The following MAPK8 variants were observed in gnomAD, a reference collection of about 807,000 sequenced individuals.
MAPK8 encodes mitogen-activated protein kinase 8.
In MAPK8, 13 loss-of-function variants were observed where a neutral mutation model predicts 52.9. The observed-to-expected ratio is 0.25, with a 90% confidence interval of 0.16 to 0.39. MAPK8 has a LOEUF of 0.39. Ranked by LOEUF, MAPK8 falls within the 10% of genes least tolerant of loss-of-function variation. The probability of loss-of-function intolerance (pLI) is 1.00; values close to 1 mark genes in which losing one functional copy is unlikely to be tolerated. For missense variants in MAPK8, 300 were observed against 519.2 expected (o/e 0.58, Z 4.10); for synonymous variants, 191 against 169.8 (o/e 1.12, Z -0.97).
Position 48,336,461 on chromosome 10 carries a change from CTTT to C in MAPK8, c.-50+29643_-50+29645del, listed in dbSNP as rs1272279079. Among the ~76,000 whole-genome samples the C allele has an allele frequency of 3.9e-5, 6 of 152,222 alleles. No individual in the cohort carries two copies. The South Asian group carries it at 1.2e-3, about 32-fold the overall frequency. ...ACTTCTAAAAGCAGCAATTCTCAAA[CTTT>C]TTAAGAGTTTTGGAATGTCTGTGTT... On this transcript the variant is annotated intron_variant, in intron 1 of 11. Transcript: ENST00000374189.
At chr10:48,427,196 A>G (rs1213589792) in intron 10 of MAPK8, 53 bp downstream of exon 10, 20 of 1,332,590 alleles carry the variant, frequency 1.5e-5, no homozygotes, top group Non-Finnish European at 2.1e-5. Context: ...TCTGGTTTTT[A>G]TATGGTGATT....
intron 1 of MAPK8, among the ~76,000 whole-genome samples, chr10:48,346,651 G>A (rs931040885): frequency 1.2e-4 from 19 of 152,274 alleles, no homozygotes; most frequent in African/African-American, 3.1e-4. Flanking sequence ...ACAGTTATCC[G>A]GAGGCCTAAC....
intron 1 of MAPK8, among the ~76,000 whole-genome samples, chr10:48,351,764 C>T (rs529111458): frequency 1.3e-5 from 2 of 152,152 alleles, no homozygotes; most frequent in Non-Finnish European, 2.9e-5. Context: ...GGTTGAGTAT[C>T]CTTCATCTGA....
At chr10:48,399,448 C>T (rs901072784) in intron 1 of MAPK8, among the ~76,000 whole-genome samples, 1 of 152,196 alleles carries the variant, frequency 6.6e-6, no homozygotes, top group Non-Finnish European at 1.5e-5. Flanking sequence ...TGCCTCTGCC[C>T]TGCTCCTGGG....
At chr10:48,345,801 C>G (rs552640001) in intron 1 of MAPK8, among the ~76,000 whole-genome samples, 1 of 152,238 alleles carries the variant, frequency 6.6e-6, no homozygotes, top group South Asian at 2.1e-4. Flanking sequence ...AGCTGGCAAT[C>G]CAGAAATGTT....
At chr10:48,335,245 T>C (rs1432439649) in intron 1 of MAPK8, among the ~76,000 whole-genome samples, 1 of 152,182 alleles carries the variant, frequency 6.6e-6, no homozygotes, top group Non-Finnish European at 1.5e-5. Context: ...AAATTCTAGT[T>C]AATCATGCAG....
At chr10:48,424,047 T>C in intron 6 of MAPK8, 41 bp from the exon 7 acceptor site, 2 of 1,529,672 alleles carry the variant, frequency 1.3e-6, no homozygotes, top group Non-Finnish European at 9.0e-7. Flanking sequence ...TTTAATGACC[T>C]TTTGCTTTGC....
At chr10:48,357,637 A>G (rs548592605) in intron 1 of MAPK8, among the ~76,000 whole-genome samples, 6 of 152,246 alleles carry the variant, frequency 3.9e-5, no homozygotes, top group South Asian at 2.1e-4. Flanking sequence ...GGCTCAAGCA[A>G]TGCATCCACC....
At chr10:48,320,243 T>TTTA (rs1554809169) in intron 1 of MAPK8, among the ~76,000 whole-genome samples, 3 of 133,396 alleles carry the variant, frequency 2.2e-5, no homozygotes, top group African/African-American at 9.4e-5. Context: ...TTTTTTTTTT[T>TTTA]AAATTAGATC....
At chr10:48,379,369 A>T (rs889528411) in intron 1 of MAPK8, among the ~76,000 whole-genome samples, 1 of 152,228 alleles carries the variant, frequency 6.6e-6, no homozygotes, top group Non-Finnish European at 1.5e-5. Context: ...TAGTTTGATC[A>T]TATGCTGTTC....
intron 1 of MAPK8, among the ~76,000 whole-genome samples, chr10:48,373,704 CTA>C (rs1564545993): frequency 6.7e-6 from 1 of 148,446 alleles, no homozygotes; most frequent in Non-Finnish European, 1.5e-5. Flanking sequence ...GAAGAGCTAA[CTA>C]TCCTAAATAT....
At chr10:48,427,669 T>A (rs1056797194) in intron 10 of MAPK8, among the ~76,000 whole-genome samples, 1 of 152,136 alleles carries the variant, frequency 6.6e-6, no homozygotes, top group Non-Finnish European at 1.5e-5. Context: ...TTTTTTTGTA[T>A]TTTTAGTAGA....
At chr10:48,345,516 C>T (rs1427285872) in intron 1 of MAPK8, among the ~76,000 whole-genome samples, 2 of 152,152 alleles carry the variant, frequency 1.3e-5, no homozygotes, top group Admixed American at 1.3e-4. Flanking sequence ...CACACCTTTG[C>T]CTATCAAGCC....
chr10:48,349,729 A>T (rs933140337), intron 1 of MAPK8, among the ~76,000 whole-genome samples: 10 of 152,184 alleles, frequency 6.6e-5, no homozygotes, highest in African/African-American at 2.4e-4. Flanking sequence ...GCAAGACGAA[A>T]CAAGTTCAAA....
At chr10:48,346,641 A>G (rs2141516) in intron 1 of MAPK8, among the ~76,000 whole-genome samples, 124,210 of 152,142 alleles carry the variant, frequency 0.82, 51,004 homozygotes, top group African/African-American at 0.91. Context: ...AGGCTCTCCC[A>G]CAGTTATCCG....
chr10:48,310,354 T>G (rs1841853245), intron 1 of MAPK8, among the ~76,000 whole-genome samples: 1 of 152,186 alleles, frequency 6.6e-6, no homozygotes, highest in South Asian at 2.1e-4. Context: ...AGAACAGTAG[T>G]CAAAGTTAGG....
At chr10:48,364,608 A>G (rs2132561100) in intron 1 of MAPK8, among the ~76,000 whole-genome samples, 1 of 152,344 alleles carries the variant, frequency 6.6e-6, no homozygotes, top group Admixed American at 6.5e-5. Context: ...ATCTCTATTT[A>G]CAGATGAAGA....
chr10:48,338,319 A>G (rs1475803759), intron 1 of MAPK8, among the ~76,000 whole-genome samples: 5 of 152,152 alleles, frequency 3.3e-5, no homozygotes, highest in Non-Finnish European at 4.4e-5. Flanking sequence ...CAATAAATGT[A>G]ATTCACCACA....
At chr10:48,386,120 G>A (rs1318374335) in intron 1 of MAPK8, among the ~76,000 whole-genome samples, 1 of 152,098 alleles carries the variant, frequency 6.6e-6, no homozygotes, top group Non-Finnish European at 1.5e-5. Context: ...TTGTCTCGTG[G>A]TGGTTGAATG....
Sources: gnomAD v4.1 joint callset for allele counts (sites outside exome capture counted in the v4.1 genomes callset) on GRCh38, gnomAD v4.1.1 for gene constraint, MANE v1.5 for transcripts, NCBI Gene and HGNC (gene_info 2026-07-23, HGNC 2026-07-21) for gene names.